RIMS1: variants seen among roughly 807,000 people sequenced by gnomAD.
The protein encoded by RIMS1 is regulating synaptic membrane exocytosis protein 1.
RIMS1 carries 83 observed loss-of-function variants against 214.1 expected under a neutral mutation model. The observed-to-expected ratio is 0.39, with a 90% CI of 0.32 to 0.47. RIMS1 has a LOEUF of 0.47. Among genes scored for constraint, RIMS1 ranks in the 20% least tolerant of loss-of-function variants. RIMS1 has a pLI of 0.99. For missense variants in RIMS1, 2,050 were observed against 2,161.8 expected, an observed-to-expected ratio of 0.95 and a Z score of 1.03; for synonymous variants, 793 against 786.8, an observed-to-expected ratio of 1.01 and a Z score of -0.13.
At chr6:72,372,691 A>G (rs1307681294) in intron 29 of RIMS1, among the ~76,000 whole-genome samples, 1 of 152,238 alleles carries the variant, frequency 6.6e-6, no homozygotes, top group African/African-American at 2.4e-5. Flanking sequence ...GTTTCTAAGA[A>G]CATCGGAAAG....
At chr6:72,174,531 C>T (rs961057462) in intron 4 of RIMS1, among the ~76,000 whole-genome samples, 1 of 151,958 alleles carries the variant, frequency 6.6e-6, no homozygotes, top group Non-Finnish European at 1.5e-5. Context: ...AAAAAAAGAC[C>T]ATAAATATGA....
chr6:72,096,901 T>C, intron 2 of RIMS1, 48 bp from the exon 3 acceptor site: 1 of 1,462,066 alleles, frequency 6.8e-7, no homozygotes, highest in Non-Finnish European at 9.5e-7. Context: ...TTCTTGGTTT[T>C]GTCTTCCACT....
intron 1 of RIMS1, among the ~76,000 whole-genome samples, chr6:71,926,070 ATTG>A (rs1246749902): frequency 6.6e-6 from 1 of 152,028 alleles, no homozygotes; most frequent in African/African-American, 2.4e-5. Context: ...CACTCTTTTT[ATTG>A]TTGTTGTTGT....
chr6:72,021,259 G>A (rs1814588057), intron 2 of RIMS1, among the ~76,000 whole-genome samples: 1 of 152,090 alleles, frequency 6.6e-6, no homozygotes, highest in Non-Finnish European at 1.5e-5. Context: ...TGAAATTAAA[G>A]AATTCACATG....
intron 4 of RIMS1, among the ~76,000 whole-genome samples, chr6:72,161,715 G>T (rs4530823): frequency 0.041 from 5,818 of 140,472 alleles, 686 homozygotes; most frequent in African/African-American, 0.13. Flanking sequence ...AGTTTCTTAA[G>T]CCTGAGTTCT....
At chr6:71,923,602 T>C (rs1780677660) in intron 1 of RIMS1, among the ~76,000 whole-genome samples, 1 of 152,106 alleles carries the variant, frequency 6.6e-6, no homozygotes, top group Non-Finnish European at 1.5e-5. Context: ...AGTTTCGCTC[T>C]TGTTTCCCAG....
chr6:72,377,814 A>G (rs2098417070), intron 29 of RIMS1, among the ~76,000 whole-genome samples: 2 of 152,200 alleles, frequency 1.3e-5, no homozygotes, highest in African/African-American at 2.4e-5. Flanking sequence ...TCTTTACACA[A>G]ACTTTGCCTT....
At chr6:72,317,586 T>C (rs2095872331) in intron 28 of RIMS1, 2 of 157,702 alleles carry the variant, frequency 1.3e-5, no homozygotes, top group Non-Finnish European at 2.8e-5. Context: ...ATCTTGATAT[T>C]ACAGTTATGT....
intron 2 of RIMS1, among the ~76,000 whole-genome samples, chr6:71,985,183 A>G (rs1052181503): frequency 6.6e-6 from 1 of 152,154 alleles, no homozygotes; most frequent in Admixed American, 6.6e-5. Context: ...CAGAAATTTG[A>G]GACTAGCCTG....
chr6:72,392,842 T>C, intron 31 of RIMS1, 32 bp downstream of exon 31: 1 of 1,426,572 alleles, frequency 7.0e-7, no homozygotes, highest in South Asian at 1.2e-5. Context: ...TACAAGAAAA[T>C]TGATGTTTTG....
chr6:72,191,419 C>T (rs151240151), intron 6 of RIMS1, among the ~76,000 whole-genome samples: 124 of 152,336 alleles, frequency 8.1e-4, no homozygotes, highest in Non-Finnish European at 1.6e-3. Flanking sequence ...CTCTGGCATA[C>T]AAATGTTTCA....
At chr6:72,019,017 G>A (rs1813696744) in intron 2 of RIMS1, among the ~76,000 whole-genome samples, 1 of 152,020 alleles carries the variant, frequency 6.6e-6, no homozygotes, top group Admixed American at 6.6e-5. Flanking sequence ...TGACTAAGAG[G>A]CGGCAGTGTG....
At chr6:71,912,219 C>T (rs1050972834) in intron 1 of RIMS1, among the ~76,000 whole-genome samples, 1 of 152,070 alleles carries the variant, frequency 6.6e-6, no homozygotes, top group African/African-American at 2.4e-5. Context: ...AGGAAATACA[C>T]GTTTCAAAGA....
At chr6:71,957,085 T>C (rs1312410775) in intron 1 of RIMS1, among the ~76,000 whole-genome samples, 1 of 152,222 alleles carries the variant, frequency 6.6e-6, no homozygotes, top group Non-Finnish European at 1.5e-5. Flanking sequence ...GCATTTGTAT[T>C]GGACCTAGAG....
intron 6 of RIMS1, among the ~76,000 whole-genome samples, chr6:72,201,996 C>T (rs937606945): frequency 3.3e-5 from 5 of 152,194 alleles, no homozygotes; most frequent in African/African-American, 1.2e-4. Context: ...ATTCATACCT[C>T]GTGGGGCATT....
chr6:72,323,951 C>G (rs1304195346), intron 28 of RIMS1, among the ~76,000 whole-genome samples: 1 of 151,416 alleles, frequency 6.6e-6, no homozygotes, highest in Non-Finnish European at 1.5e-5. Flanking sequence ...ACAAAAATGT[C>G]CAACTTACAA....
intron 1 of RIMS1, among the ~76,000 whole-genome samples, chr6:71,930,498 G>T (rs535050515): frequency 4.1e-4 from 63 of 152,090 alleles, no homozygotes; most frequent in Admixed American, 3.6e-3. Flanking sequence ...CTAGAGATTA[G>T]TCAGTCTATT....
intron 29 of RIMS1, among the ~76,000 whole-genome samples, chr6:72,344,105 A>T (rs989605617): frequency 6.6e-6 from 1 of 151,712 alleles, no homozygotes; most frequent in South Asian, 2.1e-4. Context: ...CCTTCTGTTA[A>T]TTTTTTCCAG....
chr6:72,254,408 T>C lies in RIMS1; in HGVS notation c.2770+1576T>C, dbSNP rs908180165. ...ACACAAAATGTAACATCATATTAGTTTGTCATGAAATTCAAAGAGTAAAGT... is the reference window on the plus strand; with the variant it reads ...ACACAAAATGTAACATCATATTAGTCTGTCATGAAATTCAAAGAGTAAAGT... On this transcript the variant is annotated intron_variant, in intron 16 of 33. Coordinates refer to ENST00000521978, the MANE Select transcript of RIMS1 (RefSeq NM_014989.7). Among the ~76,000 whole-genome samples, 6 of 152,154 alleles carry C rather than the reference T, an allele frequency of 3.9e-5. No individual in the cohort carries two copies. In the East Asian group the frequency reaches 1.2e-3, roughly 29 times the overall value.
Sources: gnomAD v4.1 joint callset for allele counts (sites outside exome capture counted in the v4.1 genomes callset) on GRCh38, gnomAD v4.1.1 for gene constraint, MANE v1.5 for transcripts, NCBI Gene and HGNC (gene_info 2026-07-23, HGNC 2026-07-21) for gene names.